The following DNAH6 variants were observed in gnomAD, a reference collection of about 807,000 sequenced individuals.
DNAH6 encodes the protein axonemal beta dynein heavy chain 6.
A neutral mutation model predicts 491.4 loss-of-function variants in DNAH6; 340 were observed. The ratio of observed to expected loss-of-function variants is 0.69; its 90% CI spans 0.63 to 0.76. The LOEUF (loss-of-function observed/expected upper bound fraction) is 0.76. Among genes scored for constraint, DNAH6 ranks in the 30% least tolerant of loss-of-function variants. The pLI, the probability that DNAH6 is intolerant of heterozygous loss-of-function variation, is 0.00. For missense variants in DNAH6, 4,443 were observed against 4,972.2 expected (o/e 0.89, Z 3.20); for synonymous variants, 1,603 against 1,686.1 (o/e 0.95, Z 1.21).
the DNAH6 span, among the ~76,000 whole-genome samples, chr2:84,477,422 T>C: frequency 7.9e-5 from 12 of 152,276 alleles, no homozygotes; most frequent in East Asian, 2.1e-3. Flanking sequence ...CTAAGCTTTT[T>C]CCCAATACTA....
At chr2:84,508,200 AC>A in the DNAH6 span, among the ~76,000 whole-genome samples, 1 of 152,038 alleles carries the variant, frequency 6.6e-6, no homozygotes, top group Non-Finnish European at 1.5e-5. Context: ...CTGGTCCTGG[AC>A]TTTTTTTGGT....
At chr2:84,533,761 T>C (rs549011050) in intron 4 of DNAH6, among the ~76,000 whole-genome samples, 16 of 152,300 alleles carry the variant, frequency 1.1e-4, no homozygotes, top group Middle Eastern at 3.4e-3. Context: ...TGCAGCTTTA[T>C]AGCATAATGT....
At position 84,621,194 on chromosome 2, in the gene DNAH6, A is replaced by G; in HGVS notation, c.3796A>G (p.Ser1266Gly). ...AMLSPEGERV[S>G]LGKGLKARGN... ...CAATGCTCTGATTACCTTTTAGGTT[A>G]GCTTGGGGAAAGGCCTCAAGGCCCG... The change falls in exon 25 of 77, where the codon AGC (serine) becomes GGC (glycine). Residue 1266 changes from serine to glycine, a missense_variant. Physicochemically the swap from Ser to Gly is moderately conservative, Grantham distance 56. Coordinates refer to ENST00000389394, the MANE Select transcript of DNAH6 (RefSeq NM_001370.2). The G allele has an allele frequency of 3.2e-6, 5 of 1,551,512 alleles. No homozygotes were observed. The highest frequency in any genetic ancestry group is 3.5e-6 in the Non-Finnish European group (4 of 1,146,852).
chr2:84,658,892 T>C (rs1451936538), intron 36 of DNAH6, 134 bp from the exon 37 acceptor site: 4 of 522,542 alleles, frequency 7.7e-6, no homozygotes, highest in Non-Finnish European at 1.3e-5. Flanking sequence ...GAGTGAAGTA[T>C]AAGAAATATA....
At chr2:84,650,366 G>A (rs1421486091) in intron 33 of DNAH6, among the ~76,000 whole-genome samples, 4 of 151,974 alleles carry the variant, frequency 2.6e-5, no homozygotes, top group Non-Finnish European at 5.9e-5. Context: ...TGTTCAGATT[G>A]GGTAACTTCT....
At position 84,637,470 on chromosome 2, in the gene DNAH6, G is replaced by A. The variant is rs1573314294; in HGVS notation, c.4821+93G>A. 7 of 1,312,762 alleles carry A rather than the reference G, an allele frequency of 5.3e-6. No individual in the cohort carries two copies. In the East Asian group the frequency reaches 1.8e-4, roughly 34 times the overall value. The allele number at this position is 1,312,762 out of a possible 1,614,324, so 81.3% of individuals were successfully genotyped here. A position where few individuals can be genotyped will look rare whatever the true frequency, so the allele number is the denominator to read the frequency against. ...AAGGTAGAAAGTTTCCTTTATGAAT[G>A]CCCCTATTAATGGTTACACATTATT... On this transcript the variant is annotated intron_variant, in intron 31 of 76. Coordinates refer to ENST00000389394, the MANE Select transcript of DNAH6 (RefSeq NM_001370.2).
intron 63 of DNAH6, among the ~76,000 whole-genome samples, chr2:84,752,135 T>C (rs1324963446): frequency 2.0e-5 from 3 of 152,170 alleles, no homozygotes; most frequent in Non-Finnish European, 4.4e-5. Context: ...TTGAAAACCA[T>C]AGAGAAACCA....
chr2:84,733,325 G>A (rs1699267291), intron 61 of DNAH6, 119 bp from the exon 62 acceptor site: 1 of 818,702 alleles, frequency 1.2e-6, no homozygotes, highest in African/African-American at 1.7e-5. Flanking sequence ...TGTACTACTT[G>A]TCCTAGGAAA....
At chr2:84,497,922 C>G in the DNAH6 span, among the ~76,000 whole-genome samples, 1 of 152,212 alleles carries the variant, frequency 6.6e-6, no homozygotes, top group Non-Finnish European at 1.5e-5. Flanking sequence ...CAGATCTCAG[C>G]TTGTCCCTAC....
chr2:84,600,242 T>C (rs934878900), intron 18 of DNAH6, among the ~76,000 whole-genome samples: 8 of 152,328 alleles, frequency 5.3e-5, no homozygotes, highest in Admixed American at 5.2e-4. Flanking sequence ...TATTTCAGAA[T>C]AGTTTTAGAT....
At position 84,681,491 on chromosome 2, in the gene DNAH6, T is replaced by C. The variant is rs1277884960; in HGVS notation, c.6879T>C (p.Tyr2293=). 3.9e-6 allele frequency: 6 copies of C among 1,550,446 alleles called. No individual in the cohort carries two copies. Among genetic ancestry groups the C allele is most frequent in the East Asian group, 2.4e-5 (1 of 40,912 alleles). Residue 2293 remains tyrosine, a synonymous_variant, in exon 42 of 77, where the codon TAT becomes TAC. Coordinates refer to ENST00000389394, the MANE Select transcript of DNAH6 (RefSeq NM_001370.2). ...DLLPTPAKSH[Y]VFNLRDLSKC... The stretch of plus-strand genomic sequence containing the variant: ...TGCCAACACCCGCCAAGTCCCATTA[T>C]GTCTTTAACTTGAGGGACTTATCCA...
chr2:84,739,437 A>G (rs574195909), intron 62 of DNAH6, among the ~76,000 whole-genome samples: 20 of 152,326 alleles, frequency 1.3e-4, no homozygotes, highest in Non-Finnish European at 2.4e-4. Flanking sequence ...ATCCTCAAAT[A>G]TGTTTTCCAA....
At chr2:84,618,808 GACAA>G (rs1687124284) in intron 23 of DNAH6, among the ~76,000 whole-genome samples, 1 of 152,088 alleles carries the variant, frequency 6.6e-6, no homozygotes, top group African/African-American at 2.4e-5. Context: ...CTAGAGCAGG[GACAA>G]ACAATTTTTT....
At chr2:84,727,308 A>G (rs2104955753) in intron 60 of DNAH6, among the ~76,000 whole-genome samples, 1 of 152,244 alleles carries the variant, frequency 6.6e-6, no homozygotes, top group Admixed American at 6.5e-5. Context: ...ATCACATATC[A>G]CTTTGGGATG....
At position 84,525,586 on chromosome 2, in the gene DNAH6, G is replaced by A; in HGVS notation, c.247G>A (p.Asp83Asn). 1 of 1,546,722 alleles carries A rather than the reference G, an allele frequency of 6.5e-7. No homozygotes were observed. Among genetic ancestry groups the A allele is most frequent in the Non-Finnish European group, 8.7e-7 (1 of 1,145,330 alleles). The change falls in exon 3 of 77, where the codon GAT (aspartate) becomes AAT (asparagine). Residue 83 changes from aspartate to asparagine, a missense_variant. Physicochemically the swap from Asp to Asn is conservative, Grantham distance 23. Transcript: ENST00000389394. ...EPLPVLKVYQ[D>N]HKQPEYIHEQ... ...AAAGCCAGTGCTAAAAGTCTACCAA[G>A]ATCATAAGCAGCCAGAATACATACA...
the DNAH6 span, among the ~76,000 whole-genome samples, chr2:84,474,347 T>G: frequency 2.6e-5 from 4 of 152,288 alleles, no homozygotes; most frequent in East Asian, 3.9e-4. Flanking sequence ...AGCATCCAGT[T>G]TTTCCTGTTT....
intron 36 of DNAH6, 29 bp from the exon 37 acceptor site, chr2:84,658,997 A>G: frequency 7.8e-7 from 1 of 1,282,076 alleles, no homozygotes; most frequent in Non-Finnish European, 1.1e-6. Flanking sequence ...TATATAAAAT[A>G]TTAAGTCTGT....
intron 13 of DNAH6, 26 bp downstream of exon 13, chr2:84,577,434 A>G: frequency 6.7e-7 from 1 of 1,486,664 alleles, no homozygotes; most frequent in East Asian, 2.3e-5. Context: ...AAAAAAAAAT[A>G]ATTATTCCTC....
chr2:84,713,089 T>C lies in DNAH6; in HGVS notation c.9379-6T>C. 1 of 1,547,380 alleles carries C rather than the reference T, an allele frequency of 6.5e-7. No homozygotes were observed. ...TGTATTGTCCTGTTTTGTTTTAATT[T>C]CTAAGCTTAAGGAAACCTTGGATCC... On this transcript the variant is annotated splice_polypyrimidine_tract_variant and splice_region_variant and intron_variant, in intron 56 of 76. Coordinates refer to ENST00000389394, the MANE Select transcript of DNAH6 (RefSeq NM_001370.2).
Sources: gnomAD v4.1 joint callset for allele counts (sites outside exome capture counted in the v4.1 genomes callset) on GRCh38, gnomAD v4.1.1 for gene constraint, MANE v1.5 for transcripts, NCBI Gene and HGNC (gene_info 2026-07-23, HGNC 2026-07-21) for gene names.